Variants in ANKFN1 observed in about 807,000 individuals in gnomAD.
The protein encoded by ANKFN1 is ankyrin repeat and fibronectin type-III domain-containing protein 1.
Under a neutral mutation model 108.7 loss-of-function variants are expected in ANKFN1, and 74 were observed. The observed-to-expected ratio is 0.68, with a 90% CI of 0.56 to 0.83. ANKFN1 has a LOEUF of 0.83. Ranked by LOEUF, ANKFN1 falls within the 40% of genes least tolerant of loss-of-function variation. The probability of loss-of-function intolerance (pLI) is 0.00; values close to 1 mark genes in which losing one functional copy is unlikely to be tolerated. For synonymous variants in ANKFN1, 547 were observed against 516.2 expected (o/e 1.06, Z -0.81); for missense variants, 1,505 against 1,382.3 (o/e 1.09, Z -1.41).
At chr17:56,050,114 G>GT (rs1904749641) in intron 4 of ANKFN1, among the ~76,000 whole-genome samples, 1 of 151,720 alleles carries the variant, frequency 6.6e-6, no homozygotes, top group South Asian at 2.1e-4. Flanking sequence ...TCTCATAGTG[G>GT]TTTTGATTTG....
At chr17:56,428,359 G>T (rs1480580890) in intron 8 of ANKFN1, among the ~76,000 whole-genome samples, 1 of 101,654 alleles carries the variant, frequency 9.8e-6, no homozygotes, top group African/African-American at 2.8e-5. Flanking sequence ...TTGCAGTTTT[G>T]ATTGTTTCAG....
Position 56,294,196 on chromosome 17 carries a change from T to G in ANKFN1, c.54-32025T>G, listed in dbSNP as rs143422477. Among the ~76,000 whole-genome samples the G allele has an allele frequency of 6.6e-5, 10 of 152,300 alleles. No individual in the cohort carries two copies. In the East Asian group the frequency reaches 1.9e-3, roughly 29 times the overall value. ...AATAATGCCTTCTCAAACCAAACAC[T>G]AGACTTGGCTTCTGGTTTAGCTCTG... On this transcript the variant is annotated intron_variant, in intron 3 of 20. Transcript: ENST00000682825.
intron 20 of ANKFN1, among the ~76,000 whole-genome samples, chr17:56,509,444 T>G (rs936142495): frequency 2.0e-5 from 3 of 152,238 alleles, no homozygotes; most frequent in African/African-American, 7.2e-5. Context: ...AAGAATGTAA[T>G]GACCCAGCTA....
intron 3 of ANKFN1, among the ~76,000 whole-genome samples, chr17:56,266,958 G>A (rs1261317240): frequency 1.3e-5 from 2 of 152,136 alleles, no homozygotes; most frequent in South Asian, 2.1e-4. Context: ...CTACCAAGAA[G>A]TTCAATGCCT....
intron 4 of ANKFN1, among the ~76,000 whole-genome samples, chr17:56,118,561 C>T (rs1416158428): frequency 1.3e-5 from 2 of 152,060 alleles, no homozygotes; most frequent in African/African-American, 4.8e-5. Flanking sequence ...TGATACATAG[C>T]ATTTATTAAG....
Position 56,467,797 on chromosome 17 carries a change from A to G in ANKFN1, c.1773+1226A>G, listed in dbSNP as rs1207673149. ...AAAGAAAGAAAGAAAGAAAGAAGAA[A>G]GAAAGAAAGAAAGAAAGAAAGAAAG... is the stretch of plus-strand genomic sequence containing the variant. On this transcript the variant is annotated intron_variant, in intron 15 of 20. Coordinates refer to ENST00000682825, the MANE Select transcript of ANKFN1 (RefSeq NM_001370326.1). Among the ~76,000 whole-genome samples, 30 of 22,814 alleles carry G rather than the reference A, an allele frequency of 1.3e-3. 1 individual carries two copies. The highest frequency in any genetic ancestry group is 0.02 in the Middle Eastern group (1 of 50). 15.0% of individuals were successfully genotyped at this position (22,814 alleles called of 152,430 possible).
At chr17:56,424,585 C>T (rs1399592879) in intron 8 of ANKFN1, among the ~76,000 whole-genome samples, 2 of 152,210 alleles carry the variant, frequency 1.3e-5, no homozygotes, top group African/African-American at 4.8e-5. Flanking sequence ...CCAGTCTGCC[C>T]TTCCTTGGTT....
intron 4 of ANKFN1, among the ~76,000 whole-genome samples, chr17:56,087,657 A>G (rs911142939): frequency 5.9e-5 from 9 of 151,332 alleles, no homozygotes; most frequent in Non-Finnish European, 1.2e-4. Context: ...GAGGGTTAAC[A>G]TTGTGATGGA....
intron 11 of ANKFN1, among the ~76,000 whole-genome samples, chr17:56,453,132 C>T (rs1023711664): frequency 2.0e-5 from 3 of 152,110 alleles, no homozygotes; most frequent in South Asian, 2.1e-4. Flanking sequence ...CTCTAAGTAA[C>T]GTGCTCATAT....
chr17:56,094,588 C>T (rs1449498066), intron 4 of ANKFN1, among the ~76,000 whole-genome samples: 1 of 145,428 alleles, frequency 6.9e-6, no homozygotes, highest in Non-Finnish European at 1.5e-5. Context: ...ACTGCAACCT[C>T]CGCCTCCTGG....
intron 11 of ANKFN1, 41 bp downstream of exon 11, chr17:56,449,227 C>T (rs1226160319): frequency 2.7e-6 from 4 of 1,499,278 alleles, no homozygotes; most frequent in African/African-American, 2.8e-5. Context: ...ACTGAGGTCT[C>T]GGTGGCGCCG....
intron 3 of ANKFN1, among the ~76,000 whole-genome samples, chr17:56,317,516 T>A (rs1452237672): frequency 6.6e-6 from 1 of 152,170 alleles, no homozygotes; most frequent in Admixed American, 6.5e-5. Context: ...GTCATGGTCA[T>A]TTTTTTAAAA....
intron 3 of ANKFN1, chr17:56,228,625 GA>G (rs937479924): frequency 2.0e-5 from 3 of 151,252 alleles, no homozygotes; most frequent in Non-Finnish European, 4.4e-5. Flanking sequence ...TTTAACAAAG[GA>G]AAAAAAGAAA....
intron 6 of ANKFN1, among the ~76,000 whole-genome samples, chr17:56,366,018 C>T (rs898264662): frequency 2.0e-5 from 3 of 152,176 alleles, no homozygotes; most frequent in African/African-American, 7.2e-5. Context: ...AAGATGACAG[C>T]TCTATGCGTG....
chr17:56,370,992 C>T (rs1417159372), intron 6 of ANKFN1, among the ~76,000 whole-genome samples: 5 of 151,922 alleles, frequency 3.3e-5, no homozygotes, highest in African/African-American at 9.6e-5. Flanking sequence ...CCCATCATTG[C>T]TTCCCTACGT....
chr17:56,057,524 GC>G (rs746108921), intron 4 of ANKFN1, among the ~76,000 whole-genome samples: 8 of 152,152 alleles, frequency 5.3e-5, no homozygotes, highest in Non-Finnish European at 1.0e-4. Flanking sequence ...AGTGGCTCAC[GC>G]CTGTAATCCC....
At chr17:56,179,606 A>G (rs1911497860) in intron 1 of ANKFN1, among the ~76,000 whole-genome samples, 1 of 152,208 alleles carries the variant, frequency 6.6e-6, no homozygotes, top group South Asian at 2.1e-4. Flanking sequence ...AAGGAGCTGA[A>G]TGTTAGGAAG....
chr17:56,419,397 T>A (rs1374858517), intron 8 of ANKFN1, among the ~76,000 whole-genome samples: 1 of 151,572 alleles, frequency 6.6e-6, no homozygotes, highest in African/African-American at 2.4e-5. Context: ...GTAGGAGAAT[T>A]GCTTGAACCT....
chr17:56,160,224 A>G (rs1909519182), intron 1 of ANKFN1, among the ~76,000 whole-genome samples: 1 of 152,232 alleles, frequency 6.6e-6, no homozygotes, highest in Non-Finnish European at 1.5e-5. Context: ...GCTCTTTAAG[A>G]GGATGATTGA....
Sources: gnomAD v4.1 joint callset for allele counts (sites outside exome capture counted in the v4.1 genomes callset) on GRCh38, gnomAD v4.1.1 for gene constraint, MANE v1.5 for transcripts, NCBI Gene and HGNC (gene_info 2026-07-23, HGNC 2026-07-21) for gene names.